MMP16: variants seen among roughly 807,000 people sequenced by gnomAD.
The protein encoded by MMP16 is matrix metallopeptidase 16, also known as matrix metalloproteinase-16.
In MMP16, 12 loss-of-function variants were observed where a neutral mutation model predicts 67.8. That is an observed-to-expected ratio of 0.18 (90% CI 0.11 to 0.29). The LOEUF (loss-of-function observed/expected upper bound fraction) is 0.29, where lower values mean the gene tolerates loss of function less well. Among genes scored for constraint, MMP16 ranks in the 10% least tolerant of loss-of-function variants. The probability of loss-of-function intolerance (pLI) is 1.00; values close to 1 mark genes in which losing one functional copy is unlikely to be tolerated. For synonymous variants in MMP16, 249 were observed against 255.9 expected (o/e 0.97, Z 0.26); for missense variants, 475 against 765.7 (o/e 0.62, Z 4.48).
chr8:88,117,788 T>A (rs1809461824), intron 5 of MMP16, among the ~76,000 whole-genome samples: 1 of 152,056 alleles, frequency 6.6e-6, no homozygotes, highest in Non-Finnish European at 1.5e-5. Flanking sequence ...TTAGTGAACT[T>A]AAACTATGCT....
At chr8:88,275,294 G>C (rs2129981520) in intron 1 of MMP16, among the ~76,000 whole-genome samples, 1 of 151,802 alleles carries the variant, frequency 6.6e-6, no homozygotes, top group African/African-American at 2.4e-5. Flanking sequence ...AAGAATATAT[G>C]GAATAAAATA....
chr8:88,221,912 T>C (rs894878262), intron 1 of MMP16, among the ~76,000 whole-genome samples: 5 of 152,136 alleles, frequency 3.3e-5, no homozygotes, highest in African/African-American at 1.2e-4. Flanking sequence ...AATCAGTTCA[T>C]GAATTGTCTT....
chr8:88,055,896 A>G (rs1412681576), intron 8 of MMP16, among the ~76,000 whole-genome samples: 1 of 152,222 alleles, frequency 6.6e-6, no homozygotes, highest in Non-Finnish European at 1.5e-5. Flanking sequence ...GGGAAATGAA[A>G]AAAAACATAT....
chr8:88,269,118 C>T (rs900415272), intron 1 of MMP16, among the ~76,000 whole-genome samples: 3 of 152,112 alleles, frequency 2.0e-5, no homozygotes, highest in Non-Finnish European at 2.9e-5. Flanking sequence ...CAGAACAGAC[C>T]ACAGGAAAGC....
chr8:88,157,783 T>C (rs1808537289), intron 4 of MMP16, among the ~76,000 whole-genome samples: 1 of 152,110 alleles, frequency 6.6e-6, no homozygotes, highest in Non-Finnish European at 1.5e-5. Flanking sequence ...TAACTCGTCA[T>C]TTACATTAGG....
At chr8:88,220,973 G>C (rs377064934) in intron 1 of MMP16, among the ~76,000 whole-genome samples, 2 of 152,042 alleles carry the variant, frequency 1.3e-5, no homozygotes, top group African/African-American at 4.8e-5. Context: ...AGTTAAATTC[G>C]CAAGAATGCA....
At chr8:88,174,848 G>T (rs560595067) in intron 3 of MMP16, among the ~76,000 whole-genome samples, 1 of 151,390 alleles carries the variant, frequency 6.6e-6, no homozygotes, top group East Asian at 2.0e-4. Context: ...TCTGCCTTCC[G>T]GGTTCAAGCA....
At chr8:88,051,972 A>G (rs1808276944) in intron 8 of MMP16, among the ~76,000 whole-genome samples, 9 of 152,232 alleles carry the variant, frequency 5.9e-5, no homozygotes, top group Admixed American at 5.2e-4. Flanking sequence ...TATATGAAAT[A>G]GTACAACACT....
At chr8:88,312,810 A>C (rs1224477043) in intron 1 of MMP16, among the ~76,000 whole-genome samples, 2 of 152,102 alleles carry the variant, frequency 1.3e-5, no homozygotes, top group Non-Finnish European at 2.9e-5. Flanking sequence ...CTCTACTAAG[A>C]ATACAAAATT....
intron 4 of MMP16, among the ~76,000 whole-genome samples, chr8:88,140,653 G>C (rs1808198119): frequency 6.6e-6 from 1 of 152,068 alleles, no homozygotes; most frequent in Non-Finnish European, 1.5e-5. Context: ...GTGAGATATT[G>C]AATATATAAC....
chr8:88,282,108 G>A (rs564648181), intron 1 of MMP16, among the ~76,000 whole-genome samples: 1 of 137,852 alleles, frequency 7.3e-6, no homozygotes, highest in East Asian at 2.0e-4. Context: ...ACGGGGTCTT[G>A]CTGTCATCTA....
chr8:88,287,366 G>A (rs1274122835), intron 1 of MMP16, among the ~76,000 whole-genome samples: 2 of 152,066 alleles, frequency 1.3e-5, no homozygotes, highest in African/African-American at 2.4e-5. Context: ...ATTCCTGCCC[G>A]TTCTTTGGAA....
At chr8:88,219,030 G>A (rs971377326) in intron 1 of MMP16, among the ~76,000 whole-genome samples, 10 of 151,758 alleles carry the variant, frequency 6.6e-5, no homozygotes, top group Non-Finnish European at 1.0e-4. Flanking sequence ...TAAATATCTC[G>A]GGCCTCACAC....
intron 6 of MMP16, among the ~76,000 whole-genome samples, chr8:88,114,409 A>G (rs1452648430): frequency 5.9e-5 from 9 of 151,898 alleles, no homozygotes; most frequent in Admixed American, 5.3e-4. Flanking sequence ...TCAGTACTTT[A>G]TCTTTGTTTC....
In MMP16 at chr8:88,223,083, C is replaced by T. The variant is rs146812140; in HGVS notation, c.133-25777G>A. 4.1e-3 allele frequency among the ~76,000 whole-genome samples: 619 copies of T among 152,164 alleles called. 5 individuals carry two copies. The highest frequency in any genetic ancestry group is 0.014 in the African/African-American group (586 of 41,534). ...AAGACATTTACACAGCCAACAGACA[C>T]GTGAAAAAATGCTCATCATCACTGG... is the stretch of plus-strand genomic sequence containing the variant. On this transcript the variant is annotated intron_variant, in intron 1 of 9. Coordinates refer to ENST00000286614, the MANE Select transcript of MMP16 (RefSeq NM_005941.5).
In MMP16 at chr8:88,040,038, C is replaced by T. The variant is rs1331714426; in HGVS notation, c.*1423G>A. On this transcript the variant is annotated 3_prime_UTR_variant, in exon 10 of 10. Transcript: ENST00000286614. ...GGATATTCATGCAACTTCAGAGTCA[C>T]CGTTTTAATTCATTTTTAAAATGGC... 1 of 152,486 alleles carries T rather than the reference C, an allele frequency of 6.6e-6. No individual in the cohort carries two copies. The highest frequency in any genetic ancestry group is 1.5e-5 in the Non-Finnish European group (1 of 68,026). The allele number at this position is 152,486 out of a possible 1,614,324, so 9.4% of individuals were successfully genotyped here. A position where few individuals can be genotyped will look rare whatever the true frequency, so the allele number is the denominator to read the frequency against.
chr8:88,050,697 A>G (rs892529828), intron 8 of MMP16, among the ~76,000 whole-genome samples: 1 of 152,232 alleles, frequency 6.6e-6, no homozygotes, highest in African/African-American at 2.4e-5. Flanking sequence ...TGAATGTGGT[A>G]GAATTGAAAT....
chr8:88,228,061 G>A (rs766109489), intron 1 of MMP16, among the ~76,000 whole-genome samples: 15 of 151,938 alleles, frequency 9.9e-5, no homozygotes, highest in Non-Finnish European at 1.6e-4. Flanking sequence ...TCAAAGAAAT[G>A]CAAATTAAAA....
chr8:88,225,441 C>T (rs73694276), intron 1 of MMP16, among the ~76,000 whole-genome samples: 6,636 of 151,906 alleles, frequency 0.044, 171 homozygotes, highest in Admixed American at 0.054. Context: ...AAAGATACTT[C>T]TTTATAATTA....
Sources: gnomAD v4.1 joint callset for allele counts (sites outside exome capture counted in the v4.1 genomes callset) on GRCh38, gnomAD v4.1.1 for gene constraint, MANE v1.5 for transcripts, NCBI Gene and HGNC (gene_info 2026-07-23, HGNC 2026-07-21) for gene names.